EIF2AK3: variants seen among roughly 807,000 people sequenced by gnomAD.
The protein encoded by EIF2AK3 is eukaryotic translation initiation factor 2-alpha kinase 3.
A neutral mutation model predicts 113.5 loss-of-function variants in EIF2AK3; 50 were observed. The observed-to-expected ratio is 0.44, with a 90% confidence interval of 0.35 to 0.56. EIF2AK3 has a LOEUF of 0.56. Among genes scored for constraint, EIF2AK3 ranks in the 20% least tolerant of loss-of-function variants. EIF2AK3 has a pLI of 0.00. For missense variants in EIF2AK3, 1,185 were observed against 1,378.0 expected (o/e 0.86, Z 2.22); for synonymous variants, 448 against 495.4 (o/e 0.90, Z 1.27).
At chr2:88,572,390 G>A (rs971527071) in intron 13 of EIF2AK3, among the ~76,000 whole-genome samples, 1 of 152,160 alleles carries the variant, frequency 6.6e-6, no homozygotes, top group Admixed American at 6.5e-5. Context: ...AAAACCCCAC[G>A]GTTAGTGTGG....
At chr2:88,604,433 T>A (rs1431860193) in intron 2 of EIF2AK3, among the ~76,000 whole-genome samples, 1 of 152,208 alleles carries the variant, frequency 6.6e-6, no homozygotes, top group African/African-American at 2.4e-5. Flanking sequence ...CAGTAACTCC[T>A]GATCATACAA....
At chr2:88,601,395 CT>C (rs1337364166) in intron 2 of EIF2AK3, among the ~76,000 whole-genome samples, 1 of 152,230 alleles carries the variant, frequency 6.6e-6, no homozygotes, top group Non-Finnish European at 1.5e-5. Flanking sequence ...TACGCACTTC[CT>C]ATTACATTAG....
At chr2:88,606,320 T>TA (rs1484571243) in intron 2 of EIF2AK3, among the ~76,000 whole-genome samples, 1 of 150,042 alleles carries the variant, frequency 6.7e-6, no homozygotes, top group Non-Finnish European at 1.5e-5. Context: ...AAATAAAAAA[T>TA]AAAAAAAACA....
intron 10 of EIF2AK3, among the ~76,000 whole-genome samples, chr2:88,581,011 G>A (rs1029077009): frequency 3.9e-5 from 6 of 151,964 alleles, no homozygotes; most frequent in Non-Finnish European, 7.4e-5. Flanking sequence ...ATATAAAAAC[G>A]GATTATCTTC....
At chr2:88,601,018 C>T (rs1480710048) in intron 2 of EIF2AK3, among the ~76,000 whole-genome samples, 2 of 152,192 alleles carry the variant, frequency 1.3e-5, no homozygotes, top group African/African-American at 4.8e-5. Context: ...CAATTATCAA[C>T]ATTTTGCCAA....
rs1282450205 is a variant in EIF2AK3, at chr2:88,557,913, G to A, written c.3174C>T (p.Leu1058=). ...PCEYVMVQDM[L]SPSPMERPEA... The stretch of plus-strand genomic sequence containing the variant: ...CAGGTCGTTCCATGGGGGATGGAGA[G>A]AGCATGTCTTGAACCATCACGTACT... Residue 1058 remains leucine (L), a synonymous_variant, in exon 17 of 17, where the codon CTC becomes CTT. Coordinates refer to ENST00000303236, the MANE Select transcript of EIF2AK3 (RefSeq NM_004836.7). 3 of 1,614,034 alleles carry A rather than the reference G, an allele frequency of 1.9e-6. No individual in the cohort carries two copies. The highest frequency in any genetic ancestry group is 4.5e-5 in the East Asian group (2 of 44,906).
At chr2:88,564,623 C>T (rs957401488) in intron 14 of EIF2AK3, among the ~76,000 whole-genome samples, 1 of 152,066 alleles carries the variant, frequency 6.6e-6, no homozygotes, top group Non-Finnish European at 1.5e-5. Flanking sequence ...ATGGGGTGGC[C>T]GGGACTACCT....
intron 2 of EIF2AK3, among the ~76,000 whole-genome samples, chr2:88,612,897 C>T (rs1675490299): frequency 6.6e-6 from 1 of 152,170 alleles, no homozygotes; most frequent in South Asian, 2.1e-4. Context: ...AAGAAGGCCA[C>T]AGGCATTCTG....
At chr2:88,586,119 TTAAC>T (rs77336269) in intron 8 of EIF2AK3, 58 bp from the exon 9 acceptor site, 95 of 1,341,578 alleles carry the variant, frequency 7.1e-5, no homozygotes, top group African/African-American at 2.6e-4. Context: ...AGGCCCGTCT[TTAAC>T]TATTAAAATT....
chr2:88,559,510 C>CTCTG (rs1673880261), intron 15 of EIF2AK3, among the ~76,000 whole-genome samples: 1 of 141,330 alleles, frequency 7.1e-6, no homozygotes, highest in African/African-American at 2.6e-5. Flanking sequence ...ACCAAGATGA[C>CTCTG]TGTGTGTGTG....
chr2:88,627,283 C>A lies in EIF2AK3; in HGVS notation c.-9G>T. 1 of 1,484,500 alleles carries A rather than the reference C, an allele frequency of 6.7e-7. No homozygotes were observed. The highest frequency in any genetic ancestry group is 8.9e-7 in the Non-Finnish European group (1 of 1,122,798). The allele number at this position is 1,484,500 out of a possible 1,614,324, so 92.0% of individuals were successfully genotyped here. On this transcript the variant is annotated 5_prime_UTR_variant, in exon 1 of 17. Transcript: ENST00000303236. ...CTGATGGCGCGCTCCATCAGCGTCC[C>A]GCCCCGCGCGCAGGCATGGAGGCGC...
rs1488680245 is a variant in EIF2AK3, at chr2:88,598,800, T to G, written c.439-3137A>C. Among the ~76,000 whole-genome samples the G allele has an allele frequency of 2.0e-5, 3 of 152,136 alleles. No homozygotes were observed. The East Asian group carries it at 5.8e-4, about 29-fold the overall frequency. On this transcript the variant is annotated intron_variant, in intron 2 of 16. Transcript: ENST00000303236. Reference sequence around the variant, plus strand: ...ATATAAATTGATAATGCTTATAACTTTTGTAGTTATGTAAGAGAATATCTC... The same window carrying G: ...ATATAAATTGATAATGCTTATAACTGTTGTAGTTATGTAAGAGAATATCTC...
chr2:88,578,611 G>A (rs1465938275), intron 11 of EIF2AK3, among the ~76,000 whole-genome samples: 1 of 151,964 alleles, frequency 6.6e-6, no homozygotes, highest in Non-Finnish European at 1.5e-5. Context: ...GAACCAGGGA[G>A]GCAAAGGTTG....
At chr2:88,591,078 G>T in intron 4 of EIF2AK3, 26 bp from the exon 5 acceptor site, 1 of 1,597,924 alleles carries the variant, frequency 6.3e-7, no homozygotes. Flanking sequence ...GTGTGTTTTA[G>T]AAATTTACAT....
chr2:88,577,488 G>T (rs1674491316), intron 11 of EIF2AK3, among the ~76,000 whole-genome samples: 1 of 150,498 alleles, frequency 6.6e-6, no homozygotes, highest in Non-Finnish European at 1.5e-5. Context: ...CTGAGACAGG[G>T]TCTCACTCTG....
rs781161257 is a variant in EIF2AK3 at position 88,613,869 on chromosome 2, A to C, written c.309-16T>G. On this transcript the variant is annotated splice_polypyrimidine_tract_variant and intron_variant, in intron 1 of 16. Transcript: ENST00000303236. ...TACTAATGACCTGTAAATATTAAAAATATTTTTAAAATTAACAGATATCTA... is the reference window on the plus strand; with the variant it reads ...TACTAATGACCTGTAAATATTAAAACTATTTTTAAAATTAACAGATATCTA... 6.3e-7 allele frequency: 1 copy of C among 1,597,920 alleles called. No individual in the cohort carries two copies. Among genetic ancestry groups the C allele is most frequent in the South Asian group, 1.1e-5 (1 of 89,040 alleles).
chr2:88,621,816 G>A (rs1675731668), intron 1 of EIF2AK3, among the ~76,000 whole-genome samples: 1 of 151,704 alleles, frequency 6.6e-6, no homozygotes, highest in Non-Finnish European at 1.5e-5. Context: ...AGTGGTACAG[G>A]TTTAACATAA....
chr2:88,612,014 C>T (rs960760021), intron 2 of EIF2AK3, among the ~76,000 whole-genome samples: 9 of 152,158 alleles, frequency 5.9e-5, no homozygotes, highest in African/African-American at 2.2e-4. Context: ...AACAAGGGAG[C>T]CCTAATAAAC....
chr2:88,593,967 C>T (rs1006875702), intron 3 of EIF2AK3: 6 of 990,268 alleles, frequency 6.1e-6, no homozygotes, highest in African/African-American at 5.2e-5. Flanking sequence ...ACCAGGTGAT[C>T]GGGTTCAATC....
Sources: allele counts gnomAD v4.1 joint callset (sites outside exome capture counted in the v4.1 genomes callset), GRCh38; gene constraint gnomAD v4.1.1; transcripts MANE v1.5; gene names NCBI Gene and HGNC (gene_info 2026-07-23, HGNC 2026-07-21).